Variants in INPP4B observed in about 807,000 individuals in gnomAD.
INPP4B encodes the protein inositol polyphosphate-4-phosphatase type II B.
A neutral mutation model predicts 122.5 loss-of-function variants in INPP4B; 55 were observed. The observed-to-expected ratio is 0.45, with a 90% CI of 0.36 to 0.56. INPP4B has a LOEUF of 0.56. Among genes scored for constraint, INPP4B ranks in the 20% least tolerant of loss-of-function variants. The pLI is 0.00. For synonymous variants in INPP4B, 403 were observed against 388.7 expected, an observed-to-expected ratio of 1.04 and a Z score of -0.43; for missense variants, 1,000 against 1,097.7, an observed-to-expected ratio of 0.91 and a Z score of 1.26.
intron 21 of INPP4B, among the ~76,000 whole-genome samples, chr4:142,115,785 T>G (rs1426575566): frequency 6.6e-6 from 1 of 152,136 alleles, no homozygotes; most frequent in African/African-American, 2.4e-5. Context: ...AACATCATAA[T>G]GACAGGATCA....
intron 2 of INPP4B, among the ~76,000 whole-genome samples, chr4:142,657,861 G>A (rs916239197): frequency 2.6e-5 from 4 of 152,230 alleles, no homozygotes; most frequent in South Asian, 4.1e-4. Context: ...AACGGATTCT[G>A]AAAATCAAAT....
chr4:142,284,961 G>T (rs1408279473), intron 9 of INPP4B, among the ~76,000 whole-genome samples: 2 of 152,116 alleles, frequency 1.3e-5, no homozygotes, highest in Non-Finnish European at 2.9e-5. Flanking sequence ...GGGCACAGGA[G>T]TTGAGGGTAT....
Position 142,023,877 on chromosome 4 carries a change from A to C in INPP4B, c.*4905T>G, listed in dbSNP as rs1206467686. 2 of 152,166 alleles carry C rather than the reference A, an allele frequency of 1.3e-5. No individual in the cohort carries two copies. Among genetic ancestry groups the C allele is most frequent in the Non-Finnish European group, 2.9e-5 (2 of 68,020 alleles). 9.4% of individuals were successfully genotyped at this position (152,166 alleles called of 1,614,324 possible). On this transcript the variant is annotated 3_prime_UTR_variant, in exon 26 of 26. Coordinates refer to ENST00000262992, the MANE Select transcript of INPP4B (RefSeq NM_001101669.3). ...CCATACTCAATTGTAAATCTTTTAA[A>C]AATTTAAAATTCTAAGTATGCATGC...
chr4:142,294,240 A>G (rs1376848790), intron 9 of INPP4B, among the ~76,000 whole-genome samples: 2 of 152,228 alleles, frequency 1.3e-5, no homozygotes, highest in Non-Finnish European at 2.9e-5. Context: ...CCTCACTGGA[A>G]GCAGTTAAAA....
intron 12 of INPP4B, among the ~76,000 whole-genome samples, chr4:142,231,774 A>C (rs759323922): frequency 7.9e-5 from 12 of 152,206 alleles, no homozygotes; most frequent in Non-Finnish European, 1.6e-4. Context: ...GAGTGATGGC[A>C]ACACACCAAC....
At chr4:142,360,491 C>A (rs778795029) in intron 7 of INPP4B, among the ~76,000 whole-genome samples, 1 of 151,964 alleles carries the variant, frequency 6.6e-6, no homozygotes, top group South Asian at 2.1e-4. Flanking sequence ...TTACCCTGAA[C>A]GTACATATCA....
intron 21 of INPP4B, among the ~76,000 whole-genome samples, chr4:142,115,767 A>C (rs777306999): frequency 2.2e-4 from 33 of 152,196 alleles, no homozygotes; most frequent in Non-Finnish European, 4.0e-4. Context: ...CAAGCAAAAT[A>C]ACCAGCTAAC....
chr4:142,345,878 C>G (rs1409953963), intron 7 of INPP4B, among the ~76,000 whole-genome samples: 1 of 152,006 alleles, frequency 6.6e-6, no homozygotes, highest in Non-Finnish European at 1.5e-5. Context: ...TCAGTGTACT[C>G]TTACCCCAGT....
chr4:142,661,834 G>T (rs991453724), intron 2 of INPP4B, among the ~76,000 whole-genome samples: 20 of 152,188 alleles, frequency 1.3e-4, no homozygotes, highest in African/African-American at 4.6e-4. Flanking sequence ...GAAGCTAGTA[G>T]TAGATGCATA....
intron 18 of INPP4B, among the ~76,000 whole-genome samples, chr4:142,134,797 CAAA>C (rs58297348): frequency 2.2e-3 from 112 of 51,292 alleles, no homozygotes; most frequent in Non-Finnish European, 3.5e-3. Context: ...AACTCTGTCT[CAAA>C]AAAAAAAAAA....
chr4:142,594,513 C>T (rs1738239766), intron 2 of INPP4B, among the ~76,000 whole-genome samples: 1 of 152,102 alleles, frequency 6.6e-6, no homozygotes, highest in South Asian at 2.1e-4. Context: ...GCAGCTTGCT[C>T]CAAATTACAT....
rs751818122 is a variant in INPP4B at position 142,783,335 on chromosome 4, C to T, written c.-253-57434G>A. 2.4e-4 allele frequency among the ~76,000 whole-genome samples: 37 copies of T among 152,152 alleles called. 1 individual carries two copies. Among genetic ancestry groups the T allele is most frequent in the South Asian group, 6.2e-4 (3 of 4,822 alleles). On this transcript the variant is annotated intron_variant, in intron 1 of 25. Transcript: ENST00000262992. ...ATTTACAAGAAAAAAACAAACAACC[C>T]CTTCAAAAAGTGGGCAAAGGACATG... is the stretch of plus-strand genomic sequence containing the variant.
chr4:142,060,831 T>G (rs1247873809), intron 25 of INPP4B, among the ~76,000 whole-genome samples: 1 of 152,218 alleles, frequency 6.6e-6, no homozygotes, highest in African/African-American at 2.4e-5. Flanking sequence ...GTAAGCACTG[T>G]ACAACTGGAA....
At chr4:142,621,534 G>C (rs1744932727) in intron 2 of INPP4B, among the ~76,000 whole-genome samples, 1 of 151,892 alleles carries the variant, frequency 6.6e-6, no homozygotes, top group African/African-American at 2.4e-5. Flanking sequence ...GATAAATTCA[G>C]ACCATAGCAG....
intron 1 of INPP4B, among the ~76,000 whole-genome samples, chr4:142,798,600 A>C (rs975500065): frequency 6.6e-6 from 1 of 151,828 alleles, no homozygotes; most frequent in Admixed American, 6.6e-5. Flanking sequence ...AGAAATTAAA[A>C]TGTGTCATCA....
At chr4:142,633,758 GAC>G (rs1224796313) in intron 2 of INPP4B, among the ~76,000 whole-genome samples, 1 of 151,790 alleles carries the variant, frequency 6.6e-6, no homozygotes, top group African/African-American at 2.4e-5. Flanking sequence ...AAGGTAAAAT[GAC>G]ACAAAATTGA....
intron 1 of INPP4B, among the ~76,000 whole-genome samples, chr4:142,773,719 G>C (rs548341454): frequency 1.3e-5 from 2 of 152,312 alleles, no homozygotes; most frequent in South Asian, 4.1e-4. Context: ...AAGTAGAGAT[G>C]TGTGAAGAAG....
At chr4:142,668,253 C>T (rs1756446126) in intron 2 of INPP4B, among the ~76,000 whole-genome samples, 1 of 152,048 alleles carries the variant, frequency 6.6e-6, no homozygotes, top group African/African-American at 2.4e-5. Context: ...GAATGAAGTA[C>T]AAAACATATG....
intron 1 of INPP4B, among the ~76,000 whole-genome samples, chr4:142,841,592 A>G (rs1463097069): frequency 1.3e-5 from 2 of 151,940 alleles, no homozygotes; most frequent in African/African-American, 4.8e-5. Context: ...TTCATAGTAA[A>G]AAATATTAAG....
Sources: gnomAD v4.1 joint callset for allele counts (sites outside exome capture counted in the v4.1 genomes callset) on GRCh38, gnomAD v4.1.1 for gene constraint, MANE v1.5 for transcripts, NCBI Gene and HGNC (gene_info 2026-07-23, HGNC 2026-07-21) for gene names.